TMEM207: variants seen among roughly 807,000 people sequenced by gnomAD.
TMEM207 encodes the protein transmembrane protein 207.
Under a neutral mutation model 17.4 loss-of-function variants are expected in TMEM207, and 15 were observed. The observed-to-expected ratio is 0.86, with a 90% CI of 0.58 to 1.33. TMEM207 has a LOEUF of 1.33. Ranked by LOEUF, TMEM207 falls within the 40% of genes most tolerant of loss-of-function variation. The pLI, the probability that TMEM207 is intolerant of heterozygous loss-of-function variation, is 0.00. For missense variants in TMEM207, 205 were observed against 173.8 expected (o/e 1.18, Z -1.01); for synonymous variants, 70 against 65.6 (o/e 1.07, Z -0.33).
In TMEM207 at chr3:190,447,837, A is replaced by G. The variant is rs745317516; in HGVS notation, c.76-10T>C. 1.5e-5 allele frequency: 24 copies of G among 1,611,938 alleles called. No homozygotes were observed. The highest frequency in any genetic ancestry group is 1.8e-5 in the Non-Finnish European group (21 of 1,179,012). Reference sequence around the variant, plus strand: ...GGTCCGAGAGCACCAACTGAAACACATGTTTAGAACAATAAAATCCAAACA... The same window carrying G: ...GGTCCGAGAGCACCAACTGAAACACGTGTTTAGAACAATAAAATCCAAACA... On this transcript the variant is annotated splice_polypyrimidine_tract_variant and intron_variant, in intron 1 of 4. Coordinates refer to ENST00000354905, the MANE Select transcript of TMEM207 (RefSeq NM_207316.3).
At chr3:190,443,288 G>A (rs1008338623) in intron 2 of TMEM207, among the ~76,000 whole-genome samples, 10 of 150,138 alleles carry the variant, frequency 6.7e-5, no homozygotes, top group African/African-American at 9.8e-5. Context: ...TTTACTTATC[G>A]TTAAACTCAA....
chr3:190,449,734 C>T lies in TMEM207; in HGVS notation c.75+1G>A, dbSNP rs757656967. ...CTTAACCCAGAAAGAGAGATAGTTA[C>T]CTGGAATAGCGGCAAACACAAGATC... On this transcript the variant is annotated splice_donor_variant, in intron 1 of 4. Transcript: ENST00000354905. LOFTEE classifies it high-confidence loss of function. The T allele has an allele frequency of 5.0e-6, 8 of 1,613,512 alleles. No individual in the cohort carries two copies. Among genetic ancestry groups the T allele is most frequent in the Non-Finnish European group, 6.8e-6 (8 of 1,179,684 alleles).
chr3:190,435,182 A>T (rs936367386), intron 4 of TMEM207, among the ~76,000 whole-genome samples: 2 of 152,074 alleles, frequency 1.3e-5, no homozygotes, highest in Non-Finnish European at 2.9e-5. Flanking sequence ...AATAACATAA[A>T]TTCATTTTCT....
chr3:190,443,276 CCTTTA>C (rs920595348), intron 2 of TMEM207, among the ~76,000 whole-genome samples: 20 of 151,682 alleles, frequency 1.3e-4, no homozygotes, highest in Non-Finnish European at 2.5e-4. Context: ...GAAAATAGCC[CCTTTA>C]CTTATCGTTA....
chr3:190,447,372 C>CA (rs2108539901), intron 2 of TMEM207, among the ~76,000 whole-genome samples: 1 of 152,250 alleles, frequency 6.6e-6, no homozygotes, highest in South Asian at 2.1e-4. Flanking sequence ...AATAGACACA[C>CA]AGTACAGGTT....
At position 190,443,913 on chromosome 3, in the gene TMEM207, A is replaced by C. The variant is rs78714354; in HGVS notation, c.114-2431T>G. Reference sequence around the variant, plus strand: ...AAGAAAGACATTTGGAATAAGAATTATCTAGAATTAATTGTTGAGGGAGAT... The same window carrying C: ...AAGAAAGACATTTGGAATAAGAATTCTCTAGAATTAATTGTTGAGGGAGAT... On this transcript the variant is annotated intron_variant, in intron 2 of 4. Coordinates refer to ENST00000354905, the MANE Select transcript of TMEM207 (RefSeq NM_207316.3). Among the ~76,000 whole-genome samples the C allele has an allele frequency of 8.0e-3, 1,212 of 152,342 alleles. 20 individuals carry two copies. The highest frequency in any genetic ancestry group is 0.028 in the African/African-American group (1,172 of 41,582).
chr3:190,437,666 C>T (rs568221271), intron 4 of TMEM207, among the ~76,000 whole-genome samples: 1 of 152,132 alleles, frequency 6.6e-6, no homozygotes, highest in South Asian at 2.1e-4. Flanking sequence ...TAAACTAGTT[C>T]AACCATTGTG....
chr3:190,436,850 G>A (rs1454555339), intron 4 of TMEM207, among the ~76,000 whole-genome samples: 1 of 152,106 alleles, frequency 6.6e-6, no homozygotes, highest in African/African-American at 2.4e-5. Flanking sequence ...TTGTTTTGGA[G>A]AAGAGAAACA....
chr3:190,431,041 G>T (rs960656097), intron 4 of TMEM207, among the ~76,000 whole-genome samples: 1 of 152,148 alleles, frequency 6.6e-6, no homozygotes, highest in Non-Finnish European at 1.5e-5. Flanking sequence ...TCATACAGTT[G>T]TGTTTGTCTT....
chr3:190,446,814 A>T (rs747655507), intron 2 of TMEM207, among the ~76,000 whole-genome samples: 15 of 152,228 alleles, frequency 9.9e-5, no homozygotes, highest in Non-Finnish European at 1.8e-4. Flanking sequence ...AGTCTGGGTC[A>T]AAGGCAGAAG....
chr3:190,441,549 T>C lies in TMEM207; in HGVS notation c.114-67A>G, dbSNP rs1053570642. On this transcript the variant is annotated intron_variant, in intron 2 of 4. Coordinates refer to ENST00000354905, the MANE Select transcript of TMEM207 (RefSeq NM_207316.3). ...GCCAAAGCCTATTTCTTTCACCCAA[T>C]AAAATTGGTACTGATCACACTTGTT... The C allele has an allele frequency of 2.3e-6, 3 of 1,309,346 alleles. No individual in the cohort carries two copies. The African/African-American group carries it at 4.4e-5, about 19-fold the overall frequency. The allele number at this position is 1,309,346 out of a possible 1,614,324, so 81.1% of individuals were successfully genotyped here.
At chr3:190,443,960 G>A (rs565834127) in intron 2 of TMEM207, among the ~76,000 whole-genome samples, 4 of 152,264 alleles carry the variant, frequency 2.6e-5, no homozygotes, top group South Asian at 2.1e-4. Context: ...TTATCAGAAC[G>A]ATTTCCTTTT....
chr3:190,443,799 T>C (rs981303216), intron 2 of TMEM207, among the ~76,000 whole-genome samples: 6 of 152,186 alleles, frequency 3.9e-5, no homozygotes, highest in African/African-American at 1.4e-4. Flanking sequence ...TTTTTGAAAA[T>C]GAAATTATTC....
chr3:190,444,033 ATTCTTC>A (rs1260677765), intron 2 of TMEM207, among the ~76,000 whole-genome samples: 1 of 152,130 alleles, frequency 6.6e-6, no homozygotes, highest in Non-Finnish European at 1.5e-5. Context: ...GTTGATCTTT[ATTCTTC>A]TTCTCTGTGC....
chr3:190,444,389 T>C, intron 2 of TMEM207: 1 of 984,142 alleles, frequency 1.0e-6, no homozygotes, highest in East Asian at 1.1e-4. Context: ...TATCACCATG[T>C]CGTGGTGCGA....
At chr3:190,437,609 A>C (rs1719831374) in intron 4 of TMEM207, among the ~76,000 whole-genome samples, 1 of 152,048 alleles carries the variant, frequency 6.6e-6, no homozygotes. Context: ...CAGGTGCTGG[A>C]GAGGATGTGG....
Position 190,428,845 on chromosome 3 carries a change from T to C in TMEM207, c.*750A>G, listed in dbSNP as rs963474755. On this transcript the variant is annotated 3_prime_UTR_variant, in exon 5 of 5. Coordinates refer to ENST00000354905, the MANE Select transcript of TMEM207 (RefSeq NM_207316.3). ...ATACCTATGCCGAAGGTTCTTAGCATGATGCTGCAATAAATGCCAAGCCCT... is the reference window on the plus strand; with the variant it reads ...ATACCTATGCCGAAGGTTCTTAGCACGATGCTGCAATAAATGCCAAGCCCT... The C allele has an allele frequency of 1.3e-5, 2 of 152,178 alleles. No individual in the cohort carries two copies. Among genetic ancestry groups the C allele is most frequent in the African/African-American group, 4.8e-5 (2 of 41,448 alleles). 9.4% of individuals were successfully genotyped at this position (152,178 alleles called of 1,614,324 possible). A position where few individuals can be genotyped will look rare whatever the true frequency, so the allele number is the denominator to read the frequency against.
Position 190,449,866 on chromosome 3 carries a change from T to C in TMEM207, c.-57A>G, listed in dbSNP as rs370996732. 4.7e-6 allele frequency: 7 copies of C among 1,485,950 alleles called. No individual in the cohort carries two copies. Among genetic ancestry groups the C allele is most frequent in the African/African-American group, 1.4e-5 (1 of 72,272 alleles). 92.0% of individuals were successfully genotyped at this position (1,485,950 alleles called of 1,614,324 possible). ...TTGGTGCCTGTGTTTATTTCCTTCT[T>C]TCTCAGAACTTACTAGCTTCTCTAT... On this transcript the variant is annotated 5_prime_UTR_variant, in exon 1 of 5. Transcript: ENST00000354905.
chr3:190,431,543 T>C (rs1484842415), intron 4 of TMEM207, among the ~76,000 whole-genome samples: 1 of 152,120 alleles, frequency 6.6e-6, no homozygotes, highest in East Asian at 1.9e-4. Context: ...TTTGGGTTGA[T>C]GTCAGATAAG....
Sources: allele counts gnomAD v4.1 joint callset (sites outside exome capture counted in the v4.1 genomes callset), GRCh38; gene constraint gnomAD v4.1.1; transcripts MANE v1.5; gene names NCBI Gene and HGNC (gene_info 2026-07-23, HGNC 2026-07-21).